The following MYPN variants were observed in gnomAD, a reference collection of about 807,000 sequenced individuals.
The protein encoded by MYPN is sarcomeric protein myopalladin, 145 kDa (MYOP).
A neutral mutation model predicts 129.4 loss-of-function variants in MYPN; 63 were observed. The ratio of observed to expected loss-of-function variants is 0.49; its 90% CI spans 0.40 to 0.60. The LOEUF is 0.60. MYPN is among the 20% of genes least tolerant of loss of function. The pLI, the probability that MYPN is intolerant of heterozygous loss-of-function variation, is 0.00. For missense variants in MYPN, 1,596 were observed against 1,635.4 expected (o/e 0.98, Z 0.42); for synonymous variants, 629 against 600.9 (o/e 1.05, Z -0.68).
intron 2 of MYPN, chr10:68,136,197 T>C: frequency 2.0e-6 from 2 of 985,982 alleles, no homozygotes; most frequent in Non-Finnish European, 2.4e-6. Context: ...GTGTCTTCCT[T>C]CTTTCTTCCC....
chr10:68,198,915 C>T (rs1454073857), intron 16 of MYPN, among the ~76,000 whole-genome samples: 1 of 151,750 alleles, frequency 6.6e-6, no homozygotes, highest in Non-Finnish European at 1.5e-5. Flanking sequence ...ATAGGTGCAG[C>T]AAACCACCGT....
At chr10:68,101,773 G>A (rs1023353514), upstream of MYPN, among the ~76,000 whole-genome samples, 11 of 151,758 alleles carry the variant, frequency 7.2e-5, no homozygotes, top group African/African-American at 2.7e-4. Context: ...TTAATTTACT[G>A]AACTTCTCAT....
chr10:68,119,390 TTTATTTA>T (rs1564645889), intron 1 of MYPN, among the ~76,000 whole-genome samples: 1 of 55,630 alleles, frequency 1.8e-5, no homozygotes, highest in African/African-American at 1.1e-4. Flanking sequence ...TTTTATTTTA[TTTATTTA>T]TTTATTTATT....
intron 1 of MYPN, among the ~76,000 whole-genome samples, chr10:68,096,435 G>A (rs536342449): frequency 2.6e-5 from 4 of 152,088 alleles, no homozygotes; most frequent in South Asian, 4.1e-4. Flanking sequence ...GGTGGCAGCC[G>A]CCTGTAGTCC....
chr10:68,091,500 T>C (rs1327707385), intron 1 of MYPN, among the ~76,000 whole-genome samples: 1 of 148,150 alleles, frequency 6.7e-6, no homozygotes, highest in Non-Finnish European at 1.5e-5. Flanking sequence ...GCTCAGGTGA[T>C]CCTCCCACCT....
At chr10:68,109,337 G>A (rs1010515011), upstream of MYPN, 2 of 309,286 alleles carry the variant, frequency 6.5e-6, no homozygotes, top group African/African-American at 4.3e-5. Flanking sequence ...TAGCTATAAG[G>A]GAAATTCTAT....
intron 10 of MYPN, among the ~76,000 whole-genome samples, chr10:68,170,473 C>A (rs1345040505): frequency 1.3e-5 from 2 of 152,134 alleles, no homozygotes; most frequent in African/African-American, 2.4e-5. Flanking sequence ...TGCCTACAAC[C>A]TTTTCTTACT....
chr10:68,189,198 T>A, intron 13 of MYPN, 72 bp downstream of exon 13: 1 of 1,050,880 alleles, frequency 9.5e-7, no homozygotes. Flanking sequence ...AGAAGGTCTT[T>A]AAAAAATATA....
chr10:68,175,174 C>T (rs542524828), intron 11 of MYPN, 149 bp from the exon 12 acceptor site: 1 of 878,900 alleles, frequency 1.1e-6, no homozygotes, highest in African/African-American at 1.7e-5. Flanking sequence ...AAGACCTTTA[C>T]AAATACCGAT....
At chr10:68,149,832 C>T (rs2042736793) in intron 5 of MYPN, among the ~76,000 whole-genome samples, 1 of 152,014 alleles carries the variant, frequency 6.6e-6, no homozygotes, top group Admixed American at 6.6e-5. Context: ...TGGGGATAGG[C>T]AGCACATATT....
intron 1 of MYPN, among the ~76,000 whole-genome samples, chr10:68,101,005 T>C (rs539782698): frequency 1.8e-4 from 27 of 152,220 alleles, no homozygotes; most frequent in Non-Finnish European, 3.2e-4. Context: ...AGTAAATACA[T>C]GTTGATTGAC....
In MYPN at chr10:68,182,689, G is replaced by T. The variant is rs139740959; in HGVS notation, c.2704-6216G>T. 2.1e-3 allele frequency among the ~76,000 whole-genome samples: 324 copies of T among 151,822 alleles called. 3 individuals carry two copies. Among genetic ancestry groups the T allele is most frequent in the African/African-American group, 7.3e-3 (302 of 41,418 alleles). ...GCCTGGCTACTTTTTTGTATTTTTA[G>T]TAGAGACGAGGTTTCACCCCATTGG... On this transcript the variant is annotated intron_variant, in intron 12 of 19. Transcript: ENST00000358913.
intron 12 of MYPN, among the ~76,000 whole-genome samples, chr10:68,182,349 CATATATATA>C (rs1389510528): frequency 1.1e-5 from 1 of 92,196 alleles, no homozygotes; most frequent in Non-Finnish European, 2.3e-5. Context: ...ACATATATAA[CATATATATA>C]ACACATATAT....
At chr10:68,141,918 C>T (rs879315124) in intron 2 of MYPN, among the ~76,000 whole-genome samples, 4 of 152,204 alleles carry the variant, frequency 2.6e-5, no homozygotes, top group African/African-American at 7.2e-5. Flanking sequence ...TGATCATTCT[C>T]GTCTTCTTTT....
Position 68,173,574 on chromosome 10 carries a change from TTTTATTTATTTATTTATTTA to T in MYPN, c.1974-465_1974-446del, listed in dbSNP as rs10688159. On this transcript the variant is annotated intron_variant, in intron 10 of 19. Coordinates refer to ENST00000358913, the MANE Select transcript of MYPN (RefSeq NM_032578.4). ...TGTGTTCTTTATCAACATCAAGTTA[TTTTATTTATTTATTTATTTA>T]TTTATTTATTTATTTATTTATTTAT... Among the ~76,000 whole-genome samples, 813 of 140,820 alleles carry T rather than the reference TTTTATTTATTTATTTATTTA, an allele frequency of 5.8e-3. 4 individuals carry two copies. The highest frequency in any genetic ancestry group is 0.011 in the Middle Eastern group (3 of 280). 92.4% of individuals were successfully genotyped at this position (140,820 alleles called of 152,430 possible).
intron 6 of MYPN, among the ~76,000 whole-genome samples, chr10:68,156,823 A>G (rs938564359): frequency 2.0e-5 from 3 of 152,250 alleles, no homozygotes; most frequent in Non-Finnish European, 4.4e-5. Flanking sequence ...TATTTCCTAA[A>G]TGCAGGTCCA....
chr10:68,175,805 G>T (rs1693363484), intron 12 of MYPN, among the ~76,000 whole-genome samples: 2 of 152,064 alleles, frequency 1.3e-5, no homozygotes, highest in Non-Finnish European at 2.9e-5. Context: ...CCCAGGCTGG[G>T]GTGCAGTGGT....
intron 7 of MYPN, among the ~76,000 whole-genome samples, chr10:68,159,945 C>A (rs764448901): frequency 6.6e-6 from 1 of 152,082 alleles, no homozygotes. Flanking sequence ...AATGAACATA[C>A]GTATTACCTC....
chr10:68,197,299 A>C lies in MYPN; in HGVS notation c.3159-53A>C. The C allele has an allele frequency of 1.9e-6, 3 of 1,602,516 alleles. 1 individual carries two copies. In the South Asian group the frequency reaches 3.3e-5, roughly 18 times the overall value. ...GCCATGCCTAAATGCCTATTATCAT[A>C]AGTTTGTAAATTTATTTCTATGTTT... On this transcript the variant is annotated intron_variant, in intron 15 of 19. Transcript: ENST00000358913.
Sources: gnomAD v4.1 joint callset for allele counts (sites outside exome capture counted in the v4.1 genomes callset) on GRCh38, gnomAD v4.1.1 for gene constraint, MANE v1.5 for transcripts, NCBI Gene and HGNC (gene_info 2026-07-23, HGNC 2026-07-21) for gene names.